GOLGA1: variants seen among roughly 807,000 people sequenced by gnomAD.
GOLGA1 encodes golgin subfamily A member 1.
A neutral mutation model predicts 119.7 loss-of-function variants in GOLGA1; 63 were observed. The ratio of observed to expected loss-of-function variants is 0.53; its 90% CI spans 0.43 to 0.65. The LOEUF is 0.65. GOLGA1 is among the 30% of genes least tolerant of loss of function. The probability of loss-of-function intolerance (pLI) is 0.00; values close to 1 mark genes in which losing one functional copy is unlikely to be tolerated. For synonymous variants in GOLGA1, 318 were observed against 333.4 expected, an observed-to-expected ratio of 0.95 and a Z score of 0.50; for missense variants, 798 against 912.8, an observed-to-expected ratio of 0.87 and a Z score of 1.62.
chr9:124,886,257 G>A (rs977903019), intron 19 of GOLGA1, among the ~76,000 whole-genome samples: 3 of 152,188 alleles, frequency 2.0e-5, no homozygotes, highest in African/African-American at 7.2e-5. Flanking sequence ...CGCAGAGGAG[G>A]GCGCACAGTG....
intron 5 of GOLGA1, among the ~76,000 whole-genome samples, 175 bp from the exon 6 acceptor site, chr9:124,928,460 G>C (rs1291380269): frequency 6.6e-6 from 1 of 152,218 alleles, no homozygotes; most frequent in Admixed American, 6.5e-5. Flanking sequence ...TTTGGCCTTG[G>C]TAATAGACCA....
At chr9:124,936,888 C>T (rs1226853249) in intron 3 of GOLGA1, among the ~76,000 whole-genome samples, 1 of 152,104 alleles carries the variant, frequency 6.6e-6, no homozygotes, top group African/African-American at 2.4e-5. Flanking sequence ...ACTTCAAAAA[C>T]AAGCAGTATT....
intron 10 of GOLGA1, among the ~76,000 whole-genome samples, chr9:124,917,173 A>G (rs902404929): frequency 1.3e-5 from 2 of 152,322 alleles, no homozygotes; most frequent in African/African-American, 4.8e-5. Flanking sequence ...GCAATCTCCA[A>G]ATAGTACTTA....
rs139838835 is a variant in GOLGA1, at chr9:124,880,147, C to T, written c.*383G>A. 44 of 162,912 alleles carry T rather than the reference C, an allele frequency of 2.7e-4. No homozygotes were observed. Among genetic ancestry groups the T allele is most frequent in the African/African-American group, 1.0e-3 (43 of 41,730 alleles). 10.1% of individuals were successfully genotyped at this position (162,912 alleles called of 1,614,324 possible). A position where few individuals can be genotyped will look rare whatever the true frequency, so the allele number is the denominator to read the frequency against. ...CCTGCTGGGCACCATCTCAAAGGGC[C>T]GTCTCTACCTCCAGTAGCAGCGCTA... On this transcript the variant is annotated 3_prime_UTR_variant, in exon 23 of 23. Coordinates refer to ENST00000373555, the MANE Select transcript of GOLGA1 (RefSeq NM_002077.4).
chr9:124,906,570 T>C (rs1830237019), intron 12 of GOLGA1, among the ~76,000 whole-genome samples: 1 of 152,148 alleles, frequency 6.6e-6, no homozygotes, highest in Admixed American at 6.6e-5. Context: ...GCCAACATGA[T>C]GAAACCCTGT....
At chr9:124,893,545 G>A (rs1048352318) in intron 15 of GOLGA1, among the ~76,000 whole-genome samples, 8 of 152,024 alleles carry the variant, frequency 5.3e-5, no homozygotes, top group African/African-American at 1.9e-4. Context: ...GGCTTTTCCT[G>A]GGCCACCCCG....
chr9:124,945,662 A>G (rs1831134629), upstream of GOLGA1: 1 of 152,224 alleles, frequency 6.6e-6, no homozygotes, highest in Non-Finnish European at 1.5e-5. Context: ...TACTTAATAC[A>G]GTTCTCTTTA....
At chr9:124,926,958 G>A (rs1830687040) in intron 6 of GOLGA1, among the ~76,000 whole-genome samples, 1 of 152,114 alleles carries the variant, frequency 6.6e-6, no homozygotes, top group South Asian at 2.1e-4. Flanking sequence ...ATTCTAGAAT[G>A]GAATGAATTC....
At chr9:124,905,459 C>CAAAT (rs1358548477) in intron 12 of GOLGA1, among the ~76,000 whole-genome samples, 8 of 151,768 alleles carry the variant, frequency 5.3e-5, no homozygotes, top group South Asian at 2.1e-4. Flanking sequence ...GACTCTGCCT[C>CAAAT]AAATAAATAA....
intron 15 of GOLGA1, 99 bp from the exon 16 acceptor site, chr9:124,890,577 G>A (rs1829832079): frequency 3.3e-6 from 3 of 896,414 alleles, no homozygotes; most frequent in African/African-American, 3.3e-5. Flanking sequence ...GCTTTGCAGA[G>A]CCAGACCAAC....
chr9:124,935,316 T>A (rs536438736), intron 3 of GOLGA1, among the ~76,000 whole-genome samples: 9 of 152,320 alleles, frequency 5.9e-5, no homozygotes, highest in Non-Finnish European at 1.2e-4. Flanking sequence ...GAACATAATT[T>A]TATACAATAT....
At chr9:124,905,356 G>A (rs1830204990) in intron 12 of GOLGA1, among the ~76,000 whole-genome samples, 1 of 151,950 alleles carries the variant, frequency 6.6e-6, no homozygotes, top group South Asian at 2.1e-4. Context: ...CAGCTACTTG[G>A]GTGGGTGAGG....
intron 5 of GOLGA1, 86 bp downstream of exon 5, chr9:124,929,130 G>T (rs1057284082): frequency 9.1e-5 from 70 of 771,028 alleles, no homozygotes; most frequent in Non-Finnish European, 1.1e-5. Flanking sequence ...GTGCTTTGAA[G>T]AAGGACAAAC....
intron 19 of GOLGA1, among the ~76,000 whole-genome samples, chr9:124,886,729 G>C (rs1426473858): frequency 1.3e-5 from 2 of 152,118 alleles, no homozygotes; most frequent in Non-Finnish European, 2.9e-5. Flanking sequence ...CGTAGTGCTT[G>C]GGGAGGTGGG....
intron 10 of GOLGA1, among the ~76,000 whole-genome samples, chr9:124,915,295 A>G (rs1830417604): frequency 6.6e-6 from 1 of 152,176 alleles, no homozygotes; most frequent in Non-Finnish European, 1.5e-5. Flanking sequence ...ACACTGTCTA[A>G]CCAAAGGGTA....
intron 11 of GOLGA1, among the ~76,000 whole-genome samples, chr9:124,908,886 A>T (rs1469940972): frequency 6.6e-6 from 1 of 152,256 alleles, no homozygotes; most frequent in African/African-American, 2.4e-5. Flanking sequence ...ACTCCTCAGA[A>T]GCCAAAATGA....
intron 19 of GOLGA1, among the ~76,000 whole-genome samples, chr9:124,885,484 CA>C (rs34466889): frequency 0.5 from 48,929 of 97,908 alleles, 8,680 homozygotes; most frequent in East Asian, 0.64. Context: ...GACTCTGTCT[CA>C]AAAAAAAAAA....
chr9:124,917,571 C>T (rs1322559989), intron 10 of GOLGA1, among the ~76,000 whole-genome samples: 1 of 152,192 alleles, frequency 6.6e-6, no homozygotes, highest in Non-Finnish European at 1.5e-5. Context: ...TCAAAGCCTC[C>T]ATCATCTTAC....
At position 124,931,346 on chromosome 9, in the gene GOLGA1, G is replaced by A. The variant is rs1299932055; in HGVS notation, c.196C>T (p.Gln66Ter). Residue 66 changes from glutamine (Q) to a stop codon, truncating the protein, a stop_gained, in exon 4 of 23, where the codon CAG (glutamine) becomes TAG (stop). Transcript: ENST00000373555. LOFTEE classifies it high-confidence loss of function. ...AGTCTGGCCTCTAACTTCCGTATCT[G>A]TTCATTCCTTCTCAGAAGCTGGGAT... is the stretch of plus-strand genomic sequence containing the variant. ...LSSQLLRRNEQIRKLEARLSD... is the reference protein window; with the variant it reads ...LSSQLLRRNE 2 of 1,590,402 alleles carry A rather than the reference G, an allele frequency of 1.3e-6. No homozygotes were observed. Among genetic ancestry groups the A allele is most frequent in the Non-Finnish European group, 8.6e-7 (1 of 1,158,546 alleles).
Sources: allele counts gnomAD v4.1 joint callset (sites outside exome capture counted in the v4.1 genomes callset), GRCh38; gene constraint gnomAD v4.1.1; transcripts MANE v1.5; gene names NCBI Gene and HGNC (gene_info 2026-07-23, HGNC 2026-07-21).